SPACA9: variants seen among roughly 807,000 people sequenced by gnomAD.
SPACA9 encodes the protein sperm acrosome associated 9.
Under a neutral mutation model 12.5 loss-of-function variants are expected in SPACA9, and 14 were observed. The ratio of observed to expected loss-of-function variants is 1.12; its 90% CI spans 0.74 to 1.75. SPACA9 has a LOEUF of 1.75. SPACA9 is among the 40% of genes most tolerant of loss of function. The probability of loss-of-function intolerance (pLI) is 0.00; values close to 1 mark genes in which losing one functional copy is unlikely to be tolerated. For synonymous variants in SPACA9, 111 were observed against 114.1 expected (o/e 0.97, Z 0.17); for missense variants, 292 against 291.9 (o/e 1.00, Z 0.00).
chr9:132,886,047 T>C (rs1402642382), intron 2 of SPACA9, among the ~76,000 whole-genome samples: 1 of 152,230 alleles, frequency 6.6e-6, no homozygotes, highest in Non-Finnish European at 1.5e-5. Flanking sequence ...ATGGCAGTCC[T>C]TGGGAAGGAA....
chr9:132,881,286 A>G lies in SPACA9; in HGVS notation c.-38+2272A>G, dbSNP rs13293542. ...ACAAAAAAAAAGAAAAAAAAAAAAG[A>G]AAAAAAAGAAGAAAAAAAAAAAAAG... On this transcript the variant is annotated intron_variant, in intron 1 of 3. Coordinates refer to ENST00000356311, the MANE Select transcript of SPACA9 (RefSeq NM_001316897.2). 2.1e-5 allele frequency among the ~76,000 whole-genome samples: 3 copies of G among 140,416 alleles called. No homozygotes were observed. In the South Asian group the frequency reaches 7.1e-4, roughly 33 times the overall value. 92.1% of individuals were successfully genotyped at this position (140,416 alleles called of 152,430 possible). A position where few individuals can be genotyped will look rare whatever the true frequency, so the allele number is the denominator to read the frequency against.
In SPACA9 at chr9:132,887,282, G is replaced by C. The variant is rs1844593114; in HGVS notation, c.145-87G>C. On this transcript the variant is annotated intron_variant, in intron 2 of 3. Transcript: ENST00000356311. This position sits in a 1 kb window ranked among gnomAD's most constrained non-coding sequence, Gnocchi z 5.4. ...GAGTCATGTAGGGTGGGAGGGAGTA[G>C]GGTGGGTGCTTCTGGACATTTGCAC... 1.0e-5 allele frequency: 12 copies of C among 1,168,764 alleles called. No individual in the cohort carries two copies. The highest frequency in any genetic ancestry group is 2.8e-4 in the Middle Eastern group (1 of 3,542). 72.4% of individuals were successfully genotyped at this position (1,168,764 alleles called of 1,614,324 possible).
rs757355495 is a variant in SPACA9 at position 132,883,973 on chromosome 9, G to A, written c.26G>A (p.Arg9His). The change falls in exon 2 of 4, where the codon CGC (arginine) becomes CAC (histidine). Residue 9 changes from arginine (R) to histidine (H), a missense_variant. Physicochemically the swap from Arg to His is conservative, Grantham distance 29 (BLOSUM62 0). Coordinates refer to ENST00000356311, the MANE Select transcript of SPACA9 (RefSeq NM_001316897.2). Reference protein sequence around the residue: MNEVKESLRSIEQKYKLFQ... With the variant: MNEVKESLHSIEQKYKLFQ... ...ATGAATGAGGTGAAAGAATCCCTTC[G>A]CAGCATCGAGCAGAAGTACAAGCTC... 5.6e-6 allele frequency: 9 copies of A among 1,614,164 alleles called. No homozygotes were observed. Among genetic ancestry groups the A allele is most frequent in the South Asian group, 1.1e-5 (1 of 91,076 alleles).
At chr9:132,878,449 C>T, upstream of SPACA9, 7 of 1,226,228 alleles carry the variant, frequency 5.7e-6, no homozygotes, top group Non-Finnish European at 7.1e-6. This position sits in a 1 kb window ranked among gnomAD's most constrained non-coding sequence, Gnocchi z 4.7. Context: ...AAGTTCTTTC[C>T]CCAACCCCGG....
At chr9:132,886,754 G>A (rs760431030) in intron 2 of SPACA9, among the ~76,000 whole-genome samples, 3 of 152,104 alleles carry the variant, frequency 2.0e-5, no homozygotes, top group Non-Finnish European at 2.9e-5. Flanking sequence ...CATGGTGCCT[G>A]GAACACTTGA....
Position 132,885,932 on chromosome 9 carries a change from C to T in SPACA9, c.145-1437C>T, listed in dbSNP as rs77344780. ...CACCGCCCCCCACCCCCGCAATGCT[C>T]TGTTGTAGTTACACCATGGGGCAGG... On this transcript the variant is annotated intron_variant, in intron 2 of 3. Transcript: ENST00000356311. Among the ~76,000 whole-genome samples, 1,509 of 152,200 alleles carry T rather than the reference C, an allele frequency of 9.9e-3. 36 individuals are homozygous for T. In the South Asian group the frequency reaches 0.1, roughly 10 times the overall value.
chr9:132,887,351 T>C lies in SPACA9; in HGVS notation c.145-18T>C, dbSNP rs1844596080. On this transcript the variant is annotated intron_variant, in intron 2 of 3. Coordinates refer to ENST00000356311, the MANE Select transcript of SPACA9 (RefSeq NM_001316897.2). The surrounding 1 kb of genome is among the most constrained non-coding windows in gnomAD (Gnocchi z 5.4). The stretch of plus-strand genomic sequence containing the variant: ...CGGGTTGGCATGTCCCCAGCTCATG[T>C]GGCGGCGGCCCTTGCAGGTGCAGAG... 2 of 1,606,800 alleles carry C rather than the reference T, an allele frequency of 1.2e-6. No homozygotes were observed. Among genetic ancestry groups the C allele is most frequent in the Non-Finnish European group, 1.7e-6 (2 of 1,179,432 alleles).
chr9:132,878,855 C>G, upstream of SPACA9: 2 of 836,910 alleles, frequency 2.4e-6, no homozygotes, highest in Non-Finnish European at 2.9e-6. This position sits in a 1 kb window ranked among gnomAD's most constrained non-coding sequence, Gnocchi z 4.7. Context: ...GTAACAATCA[C>G]GCCCGCGGCC....
At position 132,888,279 on chromosome 9, in the gene SPACA9, C is replaced by T; in HGVS notation, c.348-11C>T. 1 of 1,588,730 alleles carries T rather than the reference C, an allele frequency of 6.3e-7. No individual in the cohort carries two copies. The highest frequency in any genetic ancestry group is 1.1e-5 in the South Asian group (1 of 87,626). On this transcript the variant is annotated splice_polypyrimidine_tract_variant and intron_variant, in intron 3 of 3. Transcript: ENST00000356311. The surrounding 1 kb of genome is among the most constrained non-coding windows in gnomAD (Gnocchi z 5.0). The stretch of plus-strand genomic sequence containing the variant: ...GAGCATGGGTTCACCTGGCCCCCTG[C>T]CGTCCTGCAGATACCCTCATGATGT...
In SPACA9 at chr9:132,889,510, A is replaced by G. The variant is rs1844684082; in HGVS notation, c.*899A>G. The G allele has an allele frequency of 1.4e-6, 1 of 707,566 alleles. No individual in the cohort carries two copies. Among genetic ancestry groups the G allele is most frequent in the African/African-American group, 1.9e-5 (1 of 51,822 alleles). 43.8% of individuals were successfully genotyped at this position (707,566 alleles called of 1,614,324 possible). A position where few individuals can be genotyped will look rare whatever the true frequency, so the allele number is the denominator to read the frequency against. On this transcript the variant is annotated 3_prime_UTR_variant, in exon 4 of 4. Coordinates refer to ENST00000356311, the MANE Select transcript of SPACA9 (RefSeq NM_001316897.2). ...CAACCTCCACCTCCAGGTTCAAGCGATTCTCCTGCCTCAGCCTCCTGAGTA... is the reference window on the plus strand; with the variant it reads ...CAACCTCCACCTCCAGGTTCAAGCGGTTCTCCTGCCTCAGCCTCCTGAGTA...
chr9:132,885,467 C>T (rs137918828), intron 2 of SPACA9, among the ~76,000 whole-genome samples: 1,933 of 146,014 alleles, frequency 0.013, 43 homozygotes, highest in African/African-American at 0.046. Flanking sequence ...GAGCCGAGAT[C>T]GCACCACTGC....
intron 1 of SPACA9, among the ~76,000 whole-genome samples, chr9:132,880,367 T>C (rs1844373728): frequency 6.6e-6 from 1 of 152,180 alleles, no homozygotes; most frequent in South Asian, 2.1e-4. Flanking sequence ...TTCGGATAGC[T>C]TATTACAGCT....
chr9:132,888,174 G>A lies in SPACA9; in HGVS notation c.348-116G>A, dbSNP rs1844623616. On this transcript the variant is annotated intron_variant, in intron 3 of 3. Coordinates refer to ENST00000356311, the MANE Select transcript of SPACA9 (RefSeq NM_001316897.2). The surrounding 1 kb of genome is among the most constrained non-coding windows in gnomAD (Gnocchi z 5.0). ...GACAGAGCGCCTCAGCGTGCTGTGT[G>A]TCCAGTTCTAAAGCCTCCCCAGGTG... 1.3e-6 allele frequency: 2 copies of A among 1,493,216 alleles called. No homozygotes were observed. The highest frequency in any genetic ancestry group is 2.8e-5 in the African/African-American group (2 of 71,176). 92.5% of individuals were successfully genotyped at this position (1,493,216 alleles called of 1,614,324 possible).
At position 132,889,879 on chromosome 9, in the gene SPACA9, C is replaced by A; in HGVS notation, c.*1268C>A. On this transcript the variant is annotated 3_prime_UTR_variant, in exon 4 of 4. Coordinates refer to ENST00000356311, the MANE Select transcript of SPACA9 (RefSeq NM_001316897.2). ...CCTGGTTTTCACAGCGTAGTCGAACCCCAAACATTGTAAAATGTGTCCCTG... is the reference window on the plus strand; with the variant it reads ...CCTGGTTTTCACAGCGTAGTCGAACACCAAACATTGTAAAATGTGTCCCTG... The A allele has an allele frequency of 7.1e-7, 1 of 1,405,436 alleles. No individual in the cohort carries two copies. Among genetic ancestry groups the A allele is most frequent in the Non-Finnish European group, 9.4e-7 (1 of 1,067,510 alleles). 87.1% of individuals were successfully genotyped at this position (1,405,436 alleles called of 1,614,324 possible).
Position 132,887,524 on chromosome 9 carries a change from C to G in SPACA9, c.300C>G (p.Cys100Trp). 2 of 1,614,066 alleles carry G rather than the reference C, an allele frequency of 1.2e-6. No homozygotes were observed. Among genetic ancestry groups the G allele is most frequent in the South Asian group, 2.2e-5 (2 of 91,072 alleles). Residue 100 changes from cysteine to tryptophan, a missense_variant, in exon 3 of 4, where the codon TGC (cysteine) becomes TGG (tryptophan). Physicochemically the swap from Cys to Trp is radical, Grantham distance 215. Transcript: ENST00000356311. The surrounding 1 kb of genome is among the most constrained non-coding windows in gnomAD (Gnocchi z 5.4). ...TCACCAACAACCTCCTGGAGAAATGCAAAACCCTCGTTAGCCAAAGCAACG... is the reference window on the plus strand; with the variant it reads ...TCACCAACAACCTCCTGGAGAAATGGAAAACCCTCGTTAGCCAAAGCAACG... ...TPVTNNLLEK[C>W]KTLVSQSNDL...
At chr9:132,880,968 G>A (rs1430456471) in intron 1 of SPACA9, among the ~76,000 whole-genome samples, 2 of 151,758 alleles carry the variant, frequency 1.3e-5, no homozygotes, top group African/African-American at 2.4e-5. Context: ...GACTACAGGC[G>A]CCCGCCACCG....
chr9:132,890,006 C>T lies in SPACA9; in HGVS notation c.*1395C>T. 6.8e-7 allele frequency: 1 copy of T among 1,465,314 alleles called. No individual in the cohort carries two copies. The highest frequency in any genetic ancestry group is 1.4e-5 in the African/African-American group (1 of 69,736). 90.8% of individuals were successfully genotyped at this position (1,465,314 alleles called of 1,614,324 possible). A position where few individuals can be genotyped will look rare whatever the true frequency, so the allele number is the denominator to read the frequency against. On this transcript the variant is annotated 3_prime_UTR_variant, in exon 4 of 4. Coordinates refer to ENST00000356311, the MANE Select transcript of SPACA9 (RefSeq NM_001316897.2). ...TGTTGCTTCCTCAGGGGGAGACAGT[C>T]AAGAATAAAAAGTATTCTACCACCT...
Position 132,889,499 on chromosome 9 carries a change from A to C in SPACA9, c.*888A>C. 8 of 780,274 alleles carry C rather than the reference A, an allele frequency of 1.0e-5. No homozygotes were observed. The highest frequency in any genetic ancestry group is 1.2e-5 in the Non-Finnish European group (8 of 642,682). 48.3% of individuals were successfully genotyped at this position (780,274 alleles called of 1,614,324 possible). Reference sequence around the variant, plus strand: ...TTGGCTCACTGCAACCTCCACCTCCAGGTTCAAGCGATTCTCCTGCCTCAG... The same window carrying C: ...TTGGCTCACTGCAACCTCCACCTCCCGGTTCAAGCGATTCTCCTGCCTCAG... On this transcript the variant is annotated 3_prime_UTR_variant, in exon 4 of 4. Transcript: ENST00000356311.
At position 132,888,179 on chromosome 9, in the gene SPACA9, G is replaced by T; in HGVS notation, c.348-111G>T. The T allele has an allele frequency of 6.6e-7, 1 of 1,511,214 alleles. No homozygotes were observed. 93.6% of individuals were successfully genotyped at this position (1,511,214 alleles called of 1,614,324 possible). On this transcript the variant is annotated intron_variant, in intron 3 of 3. Coordinates refer to ENST00000356311, the MANE Select transcript of SPACA9 (RefSeq NM_001316897.2). This position sits in a 1 kb window ranked among gnomAD's most constrained non-coding sequence, Gnocchi z 5.0. ...AGCGCCTCAGCGTGCTGTGTGTCCAGTTCTAAAGCCTCCCCAGGTGACTCT... is the reference window on the plus strand; with the variant it reads ...AGCGCCTCAGCGTGCTGTGTGTCCATTTCTAAAGCCTCCCCAGGTGACTCT...
Sources: gnomAD v4.1 joint callset for allele counts (sites outside exome capture counted in the v4.1 genomes callset) on GRCh38, gnomAD v4.1.1 for gene constraint, Gnocchi (gnomAD v3.1) non-coding constraint, MANE v1.5 for transcripts, NCBI Gene and HGNC (gene_info 2026-07-23, HGNC 2026-07-21) for gene names.